The following ABCA13 variants were observed in gnomAD, a reference collection of about 807,000 sequenced individuals.
The protein encoded by ABCA13 is ATP-binding cassette sub-family A member 13.
ABCA13 carries 476 observed loss-of-function variants against 478.7 expected under a neutral mutation model. That is an observed-to-expected ratio of 0.99 (90% CI 0.92 to 1.07). The LOEUF (loss-of-function observed/expected upper bound fraction) is 1.07. Ranked by LOEUF, ABCA13 falls within the 50% of genes least tolerant of loss-of-function variation. The pLI, the probability that ABCA13 is intolerant of heterozygous loss-of-function variation, is 0.00. For missense variants in ABCA13, 6,060 were observed against 5,910.6 expected (o/e 1.03, Z -0.83); for synonymous variants, 2,252 against 2,158.9 (o/e 1.04, Z -1.20).
chr7:48,524,478 A>T (rs752906567), intron 54 of ABCA13, 38 bp downstream of exon 54: 1 of 1,541,692 alleles, frequency 6.5e-7, no homozygotes, highest in Non-Finnish European at 8.8e-7. Context: ...TTCTGTTGTG[A>T]ACCTGTACAA....
intron 41 of ABCA13, among the ~76,000 whole-genome samples, chr7:48,414,115 G>A (rs1294868603): frequency 1.3e-5 from 2 of 152,166 alleles, no homozygotes. Context: ...CACACATGAT[G>A]AATAGGAGCT....
chr7:48,226,705 C>G lies in ABCA13; in HGVS notation c.469-557C>G, dbSNP rs75802400. On this transcript the variant is annotated intron_variant, in intron 5 of 61. Coordinates refer to ENST00000435803, the MANE Select transcript of ABCA13 (RefSeq NM_152701.5). ...TGCGGGCTCAGTGAGGCACTGGAGA[C>G]CCATGTTCCTTCTATTTTTGCACTT... 7.2e-5 allele frequency among the ~76,000 whole-genome samples: 11 copies of G among 152,134 alleles called. No homozygotes were observed. In the East Asian group the frequency reaches 1.6e-3, roughly 21 times the overall value.
chr7:48,363,531 A>T (rs1811209659), intron 31 of ABCA13, among the ~76,000 whole-genome samples: 1 of 152,062 alleles, frequency 6.6e-6, no homozygotes, highest in African/African-American at 2.4e-5. Context: ...GCAAATTTAG[A>T]AATACTTAGT....
intron 43 of ABCA13, among the ~76,000 whole-genome samples, chr7:48,463,529 T>C (rs1826502454): frequency 6.6e-6 from 1 of 152,174 alleles, no homozygotes; most frequent in Non-Finnish European, 1.5e-5. Flanking sequence ...ATGGGTCCTT[T>C]CTGGTCCTTT....
At chr7:48,333,181 G>A (rs1272074438) in intron 27 of ABCA13, among the ~76,000 whole-genome samples, 1 of 152,134 alleles carries the variant, frequency 6.6e-6, no homozygotes, top group Non-Finnish European at 1.5e-5. Flanking sequence ...ACATTGATCA[G>A]CTGTCAGGTT....
chr7:48,343,604 TTTC>T (rs2128963305), intron 29 of ABCA13, among the ~76,000 whole-genome samples: 1 of 149,492 alleles, frequency 6.7e-6, no homozygotes, highest in South Asian at 2.1e-4. Flanking sequence ...TTTTTTTTAA[TTTC>T]AATAGGGTTT....
intron 1 of ABCA13, among the ~76,000 whole-genome samples, chr7:48,174,376 T>C (rs564429790): frequency 6.6e-6 from 1 of 152,300 alleles, no homozygotes; most frequent in South Asian, 2.1e-4. Flanking sequence ...ATTTGTATCA[T>C]TCATAAAGAG....
At chr7:48,546,517 C>G (rs4295610) in intron 55 of ABCA13, among the ~76,000 whole-genome samples, 3 of 151,440 alleles carry the variant, frequency 2.0e-5, no homozygotes, top group African/African-American at 4.8e-5. Flanking sequence ...GCGCTATGAT[C>G]GTGTGTTAGA....
chr7:48,527,028 T>C (rs959185286), intron 54 of ABCA13, among the ~76,000 whole-genome samples: 1 of 151,970 alleles, frequency 6.6e-6, no homozygotes, highest in Non-Finnish European at 1.5e-5. Context: ...GGTGCATGAG[T>C]GGTATTGTCT....
intron 55 of ABCA13, among the ~76,000 whole-genome samples, chr7:48,553,233 T>C (rs1785490740): frequency 6.6e-6 from 1 of 152,176 alleles, no homozygotes; most frequent in South Asian, 2.1e-4. Context: ...CTTAGGTTAC[T>C]TCCAAATCTT....
intron 23 of ABCA13, among the ~76,000 whole-genome samples, chr7:48,306,284 T>C (rs570446722): frequency 6.6e-6 from 1 of 152,238 alleles, no homozygotes; most frequent in Admixed American, 6.5e-5. Context: ...GGGACTAGAC[T>C]CTAAAAAACG....
At position 48,457,480 on chromosome 7, in the gene ABCA13, A is replaced by G. The variant is rs147197790; in HGVS notation, c.12815+2194A>G. On this transcript the variant is annotated intron_variant, in intron 43 of 61. Coordinates refer to ENST00000435803, the MANE Select transcript of ABCA13 (RefSeq NM_152701.5). The stretch of plus-strand genomic sequence containing the variant: ...CTACTGCATTGTTAATTTGGCGATT[A>G]TGTTTTTCATTTGAAAGCATTTTTC... Among the ~76,000 whole-genome samples, 131 of 152,264 alleles carry G rather than the reference A, an allele frequency of 8.6e-4. 1 individual carries two copies. Among genetic ancestry groups the G allele is most frequent in the African/African-American group, 3.0e-3 (126 of 41,564 alleles).
In ABCA13 at chr7:48,286,520, T is replaced by C. The variant is rs555526350; in HGVS notation, c.8837-1440T>C. 1.0e-3 allele frequency among the ~76,000 whole-genome samples: 155 copies of C among 150,592 alleles called. 1 individual carries two copies. Among genetic ancestry groups the C allele is most frequent in the African/African-American group, 3.5e-3 (145 of 40,846 alleles). On this transcript the variant is annotated intron_variant, in intron 19 of 61. Coordinates refer to ENST00000435803, the MANE Select transcript of ABCA13 (RefSeq NM_152701.5). ...CCTTCCTTCCTTCCTTCCTTCCTTT[T>C]TTCAGACAGAGTCTCGCTCTGTCGC...
intron 2 of ABCA13, among the ~76,000 whole-genome samples, chr7:48,194,134 CAATGTTGA>C (rs1797574138): frequency 0.41 from 13 of 32 alleles, 6 homozygotes; most frequent in African/African-American, 0.67. Context: ...ATGGTGATGA[CAATGTTGA>C]TGATGATGAT....
At position 48,489,344 on chromosome 7, in the gene ABCA13, GGTAAT is replaced by G. The variant is rs766638716; in HGVS notation, c.13291+3_13291+7del. 3 of 1,582,106 alleles carry G rather than the reference GGTAAT, an allele frequency of 1.9e-6. No individual in the cohort carries two copies. Among genetic ancestry groups the G allele is most frequent in the African/African-American group, 2.7e-5 (2 of 73,880 alleles). On this transcript the variant is annotated splice_donor_variant and splice_donor_5th_base_variant and intron_variant, in intron 48 of 61. Transcript: ENST00000435803. LOFTEE classifies it high-confidence loss of function. ...CCCTACTGTGGACTGGAGACAATAC[GGTAAT>G]GTTATTTTTCATGCATTGTAATTCA...
chr7:48,495,270 A>T (rs1830176581), intron 48 of ABCA13, among the ~76,000 whole-genome samples: 1 of 152,182 alleles, frequency 6.6e-6, no homozygotes, highest in African/African-American at 2.4e-5. Flanking sequence ...CATTTTTTAT[A>T]ATTTCTCTTG....
At chr7:48,310,737 GGAAGCTAAAGATGAT>G (rs944264090) in intron 24 of ABCA13, among the ~76,000 whole-genome samples, 10 of 152,138 alleles carry the variant, frequency 6.6e-5, no homozygotes, top group African/African-American at 2.4e-4. Context: ...AGGGACTGGA[GGAAGCTAAAGATGAT>G]GAAGTCTGCA....
intron 59 of ABCA13, among the ~76,000 whole-genome samples, chr7:48,629,264 T>C (rs1395683750): frequency 6.6e-6 from 1 of 152,138 alleles, no homozygotes; most frequent in Non-Finnish European, 1.5e-5. Flanking sequence ...AAATATGCCA[T>C]TCCAGAATCC....
intron 48 of ABCA13, among the ~76,000 whole-genome samples, chr7:48,505,817 G>A (rs553922977): frequency 7.9e-5 from 12 of 152,218 alleles, no homozygotes; most frequent in South Asian, 2.1e-4. Context: ...CATTTTGGCC[G>A]CTGGCATCAC....
Sources: gnomAD v4.1 joint callset for allele counts (sites outside exome capture counted in the v4.1 genomes callset) on GRCh38, gnomAD v4.1.1 for gene constraint, MANE v1.5 for transcripts, NCBI Gene and HGNC (gene_info 2026-07-23, HGNC 2026-07-21) for gene names.